Variants in SAMMSON observed in about 807,000 individuals in gnomAD.
SAMMSON encodes the protein survival associated mitochondrial melanoma specific oncogenic non-coding RNA.
intron 4 of SAMMSON, among the ~76,000 whole-genome samples, chr3:70,209,526 T>C (rs7430257): frequency 0.42 from 63,396 of 151,932 alleles, 14,299 homozygotes; most frequent in Non-Finnish European, 0.5. Context: ...TATGAATGGG[T>C]ATCCCCAGTT....
chr3:70,429,582 A>T (rs1177487469), intron 2 of SAMMSON, among the ~76,000 whole-genome samples: 4 of 152,162 alleles, frequency 2.6e-5, no homozygotes, highest in Non-Finnish European at 4.4e-5. Flanking sequence ...CATGATATTG[A>T]TTCTTCCTAT....
chr3:70,312,951 GC>G (rs1702467988), intron 7 of SAMMSON, among the ~76,000 whole-genome samples: 1 of 152,040 alleles, frequency 6.6e-6, no homozygotes, highest in Admixed American at 6.5e-5. Context: ...ATATACACAG[GC>G]TATTTTGGTT....
At chr3:70,185,841 A>G (rs1219298198) in intron 4 of SAMMSON, among the ~76,000 whole-genome samples, 1 of 150,406 alleles carries the variant, frequency 6.6e-6, no homozygotes, top group Non-Finnish European at 1.5e-5. Flanking sequence ...GCTGGGCATG[A>G]TGGTGTGTAC....
intron 4 of SAMMSON, among the ~76,000 whole-genome samples, chr3:70,129,358 C>T (rs139013817): frequency 3.3e-5 from 5 of 152,262 alleles, no homozygotes; most frequent in African/African-American, 7.2e-5. Flanking sequence ...TATGATTGCA[C>T]TCATTTCCCA....
At chr3:70,101,023 T>G (rs888689318) in intron 4 of SAMMSON, among the ~76,000 whole-genome samples, 4 of 152,208 alleles carry the variant, frequency 2.6e-5, no homozygotes, top group African/African-American at 9.6e-5. Context: ...AATCACTATT[T>G]TCTCACTTTC....
intron 4 of SAMMSON, among the ~76,000 whole-genome samples, chr3:70,207,282 T>C (rs1024579934): frequency 6.6e-6 from 1 of 152,080 alleles, no homozygotes. Context: ...TATAAATGAA[T>C]AGTCTATAAG....
At chr3:70,363,962 G>T (rs142301151) in intron 9 of SAMMSON, among the ~76,000 whole-genome samples, 105 of 151,794 alleles carry the variant, frequency 6.9e-4, no homozygotes, top group African/African-American at 2.4e-3. Context: ...TGTCTGTTTA[G>T]TTGAGTTATG....
chr3:70,425,416 T>C (rs1254703694), intron 2 of SAMMSON, among the ~76,000 whole-genome samples: 2 of 151,760 alleles, frequency 1.3e-5, no homozygotes, highest in Non-Finnish European at 2.9e-5. Flanking sequence ...TATTTATTTA[T>C]TTATTTATTT....
intron 4 of SAMMSON, among the ~76,000 whole-genome samples, chr3:70,183,079 A>C (rs149549949): frequency 1.3e-5 from 2 of 152,292 alleles, no homozygotes; most frequent in East Asian, 3.9e-4. Flanking sequence ...TTCTTTGTTG[A>C]ACACTCGCTA....
chr3:70,194,627 T>C (rs907358770), intron 4 of SAMMSON, among the ~76,000 whole-genome samples: 1 of 152,182 alleles, frequency 6.6e-6, no homozygotes, highest in African/African-American at 2.4e-5. Context: ...CACAGAAAGA[T>C]CTTGTAGTGT....
At chr3:70,084,439 C>A (rs1026918210) in intron 4 of SAMMSON, among the ~76,000 whole-genome samples, 1 of 152,160 alleles carries the variant, frequency 6.6e-6, no homozygotes, top group African/African-American at 2.4e-5. Flanking sequence ...GAAAAGTGGC[C>A]TGTGAACCAT....
At chr3:70,380,525 ATTTTCTTTT>A (rs961641824) in intron 9 of SAMMSON, among the ~76,000 whole-genome samples, 3 of 151,902 alleles carry the variant, frequency 2.0e-5, no homozygotes, top group Non-Finnish European at 2.9e-5. Context: ...AAATACCATT[ATTTTCTTTT>A]TTTTCTTTTT....
At chr3:70,428,857 G>A (rs9847769) in intron 2 of SAMMSON, among the ~76,000 whole-genome samples, 68,470 of 151,980 alleles carry the variant, frequency 0.45, 15,754 homozygotes, top group African/African-American at 0.53. Flanking sequence ...CATTCACTCA[G>A]CAAATACTTA....
intron 6 of SAMMSON, among the ~76,000 whole-genome samples, chr3:70,279,119 C>T (rs1702056338): frequency 1.3e-5 from 2 of 150,818 alleles, no homozygotes; most frequent in African/African-American, 4.9e-5. Context: ...TAGATTATTT[C>T]CTCTGTTTCA....
chr3:70,422,833 T>C (rs920362721), intron 2 of SAMMSON, among the ~76,000 whole-genome samples: 2 of 152,002 alleles, frequency 1.3e-5, no homozygotes, highest in African/African-American at 2.4e-5. Flanking sequence ...AATGATATCT[T>C]TGAAAATAAT....
chr3:70,138,575 G>A (rs574295444), intron 4 of SAMMSON, among the ~76,000 whole-genome samples: 3 of 152,232 alleles, frequency 2.0e-5, no homozygotes, highest in South Asian at 2.1e-4. Flanking sequence ...AATCATGGGG[G>A]GACATAAACA....
At chr3:70,288,053 T>C (rs1702187093) in intron 6 of SAMMSON, among the ~76,000 whole-genome samples, 1 of 150,794 alleles carries the variant, frequency 6.6e-6, no homozygotes, top group Non-Finnish European at 1.5e-5. Flanking sequence ...TGTGTCTCTA[T>C]TTCCTTCAGT....
intron 9 of SAMMSON, among the ~76,000 whole-genome samples, chr3:70,362,914 T>C (rs1435402949): frequency 1.3e-5 from 2 of 151,628 alleles, no homozygotes; most frequent in East Asian, 1.9e-4. Context: ...TTTATCAGGC[T>C]CATGTCCAGT....
intron 4 of SAMMSON, among the ~76,000 whole-genome samples, chr3:70,136,589 G>T (rs1369220481): frequency 6.6e-6 from 1 of 152,218 alleles, no homozygotes; most frequent in Non-Finnish European, 1.5e-5. Context: ...CAGAAACTGT[G>T]TGAGATAGTA....
Sources: gnomAD v4.1 joint callset for allele counts (sites outside exome capture counted in the v4.1 genomes callset) on GRCh38, gnomAD v4.1.1 for gene constraint, MANE v1.5 for transcripts, NCBI Gene and HGNC (gene_info 2026-07-23, HGNC 2026-07-21) for gene names.